Variants in DLGAP2 observed in about 807,000 individuals in gnomAD.
The protein encoded by DLGAP2 is disks large-associated protein 2.
In DLGAP2, 26 loss-of-function variants were observed where a neutral mutation model predicts 100.3. The ratio of observed to expected loss-of-function variants is 0.26; its 90% CI spans 0.19 to 0.36. The LOEUF is 0.36. Among genes scored for constraint, DLGAP2 ranks in the 10% least tolerant of loss-of-function variants. The pLI is 1.00. For missense variants in DLGAP2, 1,858 were observed against 1,453.2 expected, an observed-to-expected ratio of 1.28 and a Z score of -4.53; for synonymous variants, 886 against 630.1, an observed-to-expected ratio of 1.41 and a Z score of -6.08.
chr8:1,062,236 T>C (rs1803106058), intron 2 of DLGAP2, among the ~76,000 whole-genome samples: 1 of 152,168 alleles, frequency 6.6e-6, no homozygotes, highest in Admixed American at 6.5e-5. Flanking sequence ...TTTTCTATTA[T>C]GCTTGACTAT....
chr8:790,652 A>G (rs1337615543), intron 1 of DLGAP2, among the ~76,000 whole-genome samples: 4 of 151,982 alleles, frequency 2.6e-5, no homozygotes, highest in Non-Finnish European at 5.9e-5. Flanking sequence ...GCTGACAAGA[A>G]CTCCGTATTT....
At chr8:1,122,095 A>T (rs1295583732) in intron 2 of DLGAP2, among the ~76,000 whole-genome samples, 1 of 152,178 alleles carries the variant, frequency 6.6e-6, no homozygotes, top group Non-Finnish European at 1.5e-5. Context: ...GCACTCCCTT[A>T]GGTGAACTTT....
intron 1 of DLGAP2, among the ~76,000 whole-genome samples, chr8:872,189 T>C (rs1427071225): frequency 1.3e-5 from 2 of 152,244 alleles, no homozygotes. Context: ...CTAAGGTTCA[T>C]TTTTAATAAT....
At chr8:1,471,717 A>G (rs377032131) in intron 3 of DLGAP2, among the ~76,000 whole-genome samples, 141 of 152,218 alleles carry the variant, frequency 9.3e-4, no homozygotes, top group African/African-American at 3.3e-3. Context: ...GTTCATATCC[A>G]TCAGCAGCTG....
chr8:933,221 A>C (rs578200298), intron 2 of DLGAP2, among the ~76,000 whole-genome samples: 223 of 152,360 alleles, frequency 1.5e-3, no homozygotes, highest in African/African-American at 5.3e-3. Flanking sequence ...TCTTTGCCAC[A>C]TCTGCTGCTT....
chr8:758,976 ACCTTCCCATTATCAATACCCCCAACAG>A (rs1820990040), intron 1 of DLGAP2, among the ~76,000 whole-genome samples: 22 of 131,914 alleles, frequency 1.7e-4, no homozygotes, highest in African/African-American at 6.4e-4. Context: ...AACCCCCACA[ACCTTCCCATTATCAATACCCCCAACAG>A]CCTTCCCATT....
chr8:767,805 G>A (rs1462037255), intron 1 of DLGAP2, among the ~76,000 whole-genome samples: 1 of 152,194 alleles, frequency 6.6e-6, no homozygotes, highest in Non-Finnish European at 1.5e-5. Context: ...TTGGTAAGTG[G>A]TTTAGAATTA....
At chr8:1,254,946 G>C (rs1389503565) in intron 2 of DLGAP2, among the ~76,000 whole-genome samples, 1 of 141,604 alleles carries the variant, frequency 7.1e-6, no homozygotes. Context: ...CTCCTGCCCG[G>C]GTGCTGTGTG....
rs1348288489 is a variant in DLGAP2 at position 1,430,011 on chromosome 8, T to TATATATATATATATATATATAC, written c.107-71338_107-71337insTATACATATATATATATATATA. 3.0e-3 allele frequency among the ~76,000 whole-genome samples: 190 copies of TATATATATATATATATATATAC among 63,900 alleles called. 12 individuals carry two copies. The highest frequency in any genetic ancestry group is 7.7e-3 in the African/African-American group (139 of 18,100). 41.9% of individuals were successfully genotyped at this position (63,900 alleles called of 152,430 possible). ...GGGGAGAGATGCATATATATACATA[T>TATATATATATATATATATATAC]ATATATATATATATATACACACACA... On this transcript the variant is annotated intron_variant, in intron 3 of 14. Coordinates refer to ENST00000637795, the MANE Select transcript of DLGAP2 (RefSeq NM_001346810.2).
chr8:1,685,070 A>G (rs1007376989), intron 12 of DLGAP2, among the ~76,000 whole-genome samples: 2 of 152,164 alleles, frequency 1.3e-5, no homozygotes, highest in African/African-American at 2.4e-5. Context: ...CACAAGTCCT[A>G]TTAACACAAG....
chr8:995,533 C>A (rs566287488), intron 2 of DLGAP2, among the ~76,000 whole-genome samples: 1 of 152,136 alleles, frequency 6.6e-6, no homozygotes, highest in South Asian at 2.1e-4. Flanking sequence ...ATATGCATAA[C>A]CATAGCCCTT....
At chr8:1,374,012 T>C (rs1802321628) in intron 3 of DLGAP2, among the ~76,000 whole-genome samples, 1 of 148,036 alleles carries the variant, frequency 6.8e-6, no homozygotes, top group Non-Finnish European at 1.5e-5. Context: ...AGGTTTAAGC[T>C]GAGGGGTGGG....
At chr8:1,454,243 C>A (rs1012567252) in intron 3 of DLGAP2, among the ~76,000 whole-genome samples, 1 of 152,222 alleles carries the variant, frequency 6.6e-6, no homozygotes, top group Non-Finnish European at 1.5e-5. Context: ...AAGGTTTCAT[C>A]CACAGCGTCC....
intron 2 of DLGAP2, among the ~76,000 whole-genome samples, chr8:1,218,631 T>G (rs10093028): frequency 6.6e-6 from 1 of 151,936 alleles, no homozygotes; most frequent in African/African-American, 2.4e-5. Context: ...TTTTTTGTTT[T>G]AATATATATT....
At position 768,585 on chromosome 8, in the gene DLGAP2, C is replaced by T. The variant is rs1372249267; in HGVS notation, c.18+30760C>T. 7.9e-5 allele frequency among the ~76,000 whole-genome samples: 12 copies of T among 151,724 alleles called. No homozygotes were observed. In the South Asian group the frequency reaches 1.3e-3, roughly 16 times the overall value. On this transcript the variant is annotated intron_variant, in intron 1 of 14. Transcript: ENST00000637795. ...GACTACAGGCGCTTGCCACCATGCC[C>T]GGCTAATTTTTTGTATTTTTAGTAG...
intron 3 of DLGAP2, among the ~76,000 whole-genome samples, chr8:1,424,354 G>T (rs540208661): frequency 1.3e-5 from 2 of 152,276 alleles, no homozygotes; most frequent in African/African-American, 4.8e-5. Context: ...CAAGCCCCTT[G>T]TTACACATTT....
intron 2 of DLGAP2, among the ~76,000 whole-genome samples, chr8:1,203,582 C>A (rs1360506938): frequency 6.6e-6 from 1 of 152,168 alleles, no homozygotes; most frequent in African/African-American, 2.4e-5. Flanking sequence ...CTCTACTCTT[C>A]CCTTTAAGTT....
At chr8:1,195,642 T>A (rs1035681652) in intron 2 of DLGAP2, among the ~76,000 whole-genome samples, 1 of 152,202 alleles carries the variant, frequency 6.6e-6, no homozygotes, top group Admixed American at 6.5e-5. Context: ...TATTAAAAAA[T>A]TATCTTCCAA....
At chr8:1,670,367 T>A (rs998702818) in intron 10 of DLGAP2, among the ~76,000 whole-genome samples, 1 of 152,228 alleles carries the variant, frequency 6.6e-6, no homozygotes, top group African/African-American at 2.4e-5. Context: ...CGCTCCCAGC[T>A]CCCACCCCTG....
Sources: gnomAD v4.1 joint callset for allele counts (sites outside exome capture counted in the v4.1 genomes callset) on GRCh38, gnomAD v4.1.1 for gene constraint, MANE v1.5 for transcripts, NCBI Gene and HGNC (gene_info 2026-07-23, HGNC 2026-07-21) for gene names.